Variants in TMEM232 observed in about 807,000 individuals in gnomAD.
The protein encoded by TMEM232 is transmembrane protein 232.
Under a neutral mutation model 78.8 loss-of-function variants are expected in TMEM232, and 80 were observed. That is an observed-to-expected ratio of 1.01 (90% CI 0.85 to 1.22). The LOEUF (loss-of-function observed/expected upper bound fraction) is 1.22, where lower values mean the gene tolerates loss of function less well. Among genes scored for constraint, TMEM232 ranks in the 50% most tolerant of loss-of-function variants. The probability of loss-of-function intolerance (pLI) is 0.00; values close to 1 mark genes in which losing one functional copy is unlikely to be tolerated. For synonymous variants in TMEM232, 297 were observed against 254.3 expected (o/e 1.17, Z -1.60); for missense variants, 881 against 742.2 (o/e 1.19, Z -2.17).
chr5:110,446,922 G>T (rs1759711096), intron 12 of TMEM232, among the ~76,000 whole-genome samples: 1 of 151,686 alleles, frequency 6.6e-6, no homozygotes, highest in Non-Finnish European at 1.5e-5. Context: ...GTTCTATGTG[G>T]TGATCTTTAG....
rs563372727 is a variant in TMEM232 at position 110,463,033 on chromosome 5, T to C, written c.1704-38117A>G. Among the ~76,000 whole-genome samples, 5 of 152,312 alleles carry C rather than the reference T, an allele frequency of 3.3e-5. No individual in the cohort carries two copies. The East Asian group carries it at 9.6e-4, about 29-fold the overall frequency. ...ATCAAATAAACTTAGCTGATAAAGCTGTATCAGGGTTTGAGAGGATTGACT... is the reference window on the plus strand; with the variant it reads ...ATCAAATAAACTTAGCTGATAAAGCCGTATCAGGGTTTGAGAGGATTGACT... On this transcript the variant is annotated intron_variant, in intron 12 of 13. Coordinates refer to ENST00000455884, the MANE Select transcript of TMEM232 (RefSeq NM_001039763.4).
At chr5:110,603,312 A>T (rs1459175780) in intron 10 of TMEM232, among the ~76,000 whole-genome samples, 3 of 152,150 alleles carry the variant, frequency 2.0e-5, no homozygotes, top group African/African-American at 4.8e-5. Flanking sequence ...ACATAAATTT[A>T]AAAATATCAG....
At chr5:110,415,395 A>G (rs1756161506), downstream of TMEM232, among the ~76,000 whole-genome samples, 2 of 151,646 alleles carry the variant, frequency 1.3e-5, no homozygotes, top group South Asian at 4.2e-4. Flanking sequence ...TCACTGTGTT[A>G]GCCAAGATGG....
chr5:110,459,105 G>A (rs1761214664), intron 12 of TMEM232, among the ~76,000 whole-genome samples: 1 of 152,054 alleles, frequency 6.6e-6, no homozygotes, highest in Non-Finnish European at 1.5e-5. Context: ...TTCTTTACCA[G>A]CCTTGTTATT....
chr5:110,543,320 A>G (rs1773393970), intron 11 of TMEM232, among the ~76,000 whole-genome samples: 1 of 152,174 alleles, frequency 6.6e-6, no homozygotes, highest in African/African-American at 2.4e-5. Context: ...GAGCCCAGGT[A>G]AATTTCTATC....
At chr5:110,520,142 T>C (rs935712582) in intron 12 of TMEM232, among the ~76,000 whole-genome samples, 2 of 151,842 alleles carry the variant, frequency 1.3e-5, no homozygotes, top group South Asian at 2.1e-4. Context: ...TTATTGTATA[T>C]TTCAAAATAA....
At chr5:110,587,626 T>C (rs915321602) in intron 10 of TMEM232, among the ~76,000 whole-genome samples, 3 of 148,986 alleles carry the variant, frequency 2.0e-5, no homozygotes, top group East Asian at 2.0e-4. Flanking sequence ...TTATGGGTCA[T>C]CTTTTATTAT....
chr5:110,568,050 T>C (rs1234121218), intron 11 of TMEM232, among the ~76,000 whole-genome samples: 1 of 151,932 alleles, frequency 6.6e-6, no homozygotes, highest in Non-Finnish European at 1.5e-5. Flanking sequence ...AAACTTCCAT[T>C]ACTTTCTAAA....
At chr5:110,531,385 G>A (rs1771446162) in intron 11 of TMEM232, among the ~76,000 whole-genome samples, 1 of 152,142 alleles carries the variant, frequency 6.6e-6, no homozygotes. Context: ...TCAATCCCCT[G>A]TCCTCCTGCT....
chr5:110,537,081 A>C (rs889495125), intron 11 of TMEM232, among the ~76,000 whole-genome samples: 1 of 152,064 alleles, frequency 6.6e-6, no homozygotes, highest in Non-Finnish European at 1.5e-5. Context: ...GGATGCCTCA[A>C]GCATCACTCG....
chr5:110,725,239 T>G (rs1357632147), intron 1 of TMEM232, among the ~76,000 whole-genome samples: 1 of 152,202 alleles, frequency 6.6e-6, no homozygotes, highest in East Asian at 1.9e-4. Context: ...ATAAGTAGGT[T>G]TGCATATACT....
At chr5:110,513,444 A>G (rs1199811631) in intron 12 of TMEM232, among the ~76,000 whole-genome samples, 7 of 152,168 alleles carry the variant, frequency 4.6e-5, no homozygotes, top group Admixed American at 4.6e-4. Context: ...ACTTAATATC[A>G]AATAAAACCA....
chr5:110,697,429 A>T (rs560955403), intron 1 of TMEM232, among the ~76,000 whole-genome samples: 10 of 152,348 alleles, frequency 6.6e-5, no homozygotes, highest in African/African-American at 9.6e-5. Flanking sequence ...AATGGCAACA[A>T]AAGCCAAAAT....
chr5:110,632,007 T>G (rs762671958), intron 5 of TMEM232, among the ~76,000 whole-genome samples: 3 of 151,920 alleles, frequency 2.0e-5, no homozygotes, highest in Non-Finnish European at 2.9e-5. Context: ...ACAGGCATAC[T>G]CATCCCACTG....
At chr5:110,412,224 A>G (rs767225217) in intron 2 of TMEM232, among the ~76,000 whole-genome samples, 3 of 152,210 alleles carry the variant, frequency 2.0e-5, no homozygotes, top group African/African-American at 4.8e-5. Flanking sequence ...AGCTAATTAC[A>G]TTTGATGCCG....
intron 11 of TMEM232, among the ~76,000 whole-genome samples, chr5:110,556,771 C>T (rs1187518633): frequency 6.6e-6 from 1 of 152,106 alleles, no homozygotes; most frequent in Non-Finnish European, 1.5e-5. Context: ...ATGAGGTTCC[C>T]TTTGTAAGTG....
In TMEM232 at chr5:110,532,982, G is replaced by A. The variant is rs1035212123; in HGVS notation, c.1456-4147C>T. 9.2e-5 allele frequency among the ~76,000 whole-genome samples: 14 copies of A among 152,176 alleles called. No individual in the cohort carries two copies. The East Asian group carries it at 1.5e-3, about 17-fold the overall frequency. ...GTTTACAAGTTAGTTCAGGATCTGC[G>A]CCTTATCAACCAAACTGTTTTGCCT... On this transcript the variant is annotated intron_variant, in intron 11 of 13. Coordinates refer to ENST00000455884, the MANE Select transcript of TMEM232 (RefSeq NM_001039763.4).
intron 2 of TMEM232, chr5:110,734,827 A>T (rs936114218): frequency 1.2e-4 from 19 of 152,348 alleles, no homozygotes; most frequent in Middle Eastern, 6.8e-3. Flanking sequence ...AGATATTTTT[A>T]AAATTGCTTA....
In TMEM232 at chr5:110,597,880, G is replaced by C. The variant is rs1023616394; in HGVS notation, c.1276+7229C>G. Among the ~76,000 whole-genome samples, 336 of 152,174 alleles carry C rather than the reference G, an allele frequency of 2.2e-3. 2 individuals are homozygous for C. Among genetic ancestry groups the C allele is most frequent in the African/African-American group, 7.6e-3 (316 of 41,500 alleles). Reference sequence around the variant, plus strand: ...AAATTAATTCAAGATGGATTAAAGAGTTAAATGTTAGACCTAAAACCATAA... The same window carrying C: ...AAATTAATTCAAGATGGATTAAAGACTTAAATGTTAGACCTAAAACCATAA... On this transcript the variant is annotated intron_variant, in intron 10 of 13. Coordinates refer to ENST00000455884, the MANE Select transcript of TMEM232 (RefSeq NM_001039763.4).
Sources: allele counts gnomAD v4.1 joint callset (sites outside exome capture counted in the v4.1 genomes callset), GRCh38; gene constraint gnomAD v4.1.1; transcripts MANE v1.5; gene names NCBI Gene and HGNC (gene_info 2026-07-23, HGNC 2026-07-21).